The following ENTREP2 variants were observed in gnomAD, a reference collection of about 807,000 sequenced individuals.
ENTREP2 encodes protein ENTREP2.
At chr15:29,292,699 C>T in the ENTREP2 span, among the ~76,000 whole-genome samples, 1 of 152,070 alleles carries the variant, frequency 6.6e-6, no homozygotes, top group East Asian at 1.9e-4. Context: ...TCATATATTC[C>T]ATAAAACACA....
chr15:29,261,818 A>C, the ENTREP2 span, among the ~76,000 whole-genome samples: 1 of 152,112 alleles, frequency 6.6e-6, no homozygotes, highest in African/African-American at 2.4e-5. Context: ...TAACAAAAAT[A>C]CATCTGAGAA....
At chr15:29,156,138 C>T in the ENTREP2 span, among the ~76,000 whole-genome samples, 1 of 151,846 alleles carries the variant, frequency 6.6e-6, no homozygotes, top group African/African-American at 2.4e-5. Flanking sequence ...GGTCATACAA[C>T]CTGTTTTTTG....
At chr15:29,648,045 T>G in the ENTREP2 span, among the ~76,000 whole-genome samples, 13 of 152,166 alleles carry the variant, frequency 8.5e-5, no homozygotes. Context: ...ACCTTGTCAC[T>G]TTGAAATCTA....
At chr15:29,159,447 G>T in the ENTREP2 span, among the ~76,000 whole-genome samples, 6 of 152,160 alleles carry the variant, frequency 3.9e-5, no homozygotes, top group African/African-American at 1.4e-4. Flanking sequence ...GACAGGGCCG[G>T]GTTGCTACTG....
the ENTREP2 span, among the ~76,000 whole-genome samples, chr15:29,389,310 T>G: frequency 1.3e-5 from 2 of 152,156 alleles, no homozygotes; most frequent in East Asian, 3.9e-4. Context: ...GCAGCCTAAG[T>G]AGACTAAGAC....
At chr15:29,410,254 C>T in the ENTREP2 span, among the ~76,000 whole-genome samples, 1 of 152,158 alleles carries the variant, frequency 6.6e-6, no homozygotes, top group South Asian at 2.1e-4. Context: ...AGTTCATCTC[C>T]GCAAGACAGT....
chr15:29,481,190 G>A, the ENTREP2 span, among the ~76,000 whole-genome samples: 53 of 152,336 alleles, frequency 3.5e-4, no homozygotes, highest in African/African-American at 1.2e-3. Context: ...GGCAGAGGCT[G>A]AGAAATCTGA....
At chr15:29,421,554 G>C in the ENTREP2 span, among the ~76,000 whole-genome samples, 1 of 152,152 alleles carries the variant, frequency 6.6e-6, no homozygotes, top group Non-Finnish European at 1.5e-5. Flanking sequence ...TTTCCTATTT[G>C]CTATTTGACT....
chr15:29,414,298 T>C, the ENTREP2 span, among the ~76,000 whole-genome samples: 418 of 152,158 alleles, frequency 2.7e-3, 2 homozygotes, highest in African/African-American at 9.9e-3. Context: ...TAAGGAACCG[T>C]CTCTCAGACC....
chr15:29,607,841 C>CAGACAGAT, the ENTREP2 span, among the ~76,000 whole-genome samples: 801 of 151,544 alleles, frequency 5.3e-3, 4 homozygotes, highest in African/African-American at 0.013. Flanking sequence ...GACAGACAGA[C>CAGACAGAT]AGATAGATAG....
At chr15:29,448,286 A>G in the ENTREP2 span, among the ~76,000 whole-genome samples, 4 of 152,132 alleles carry the variant, frequency 2.6e-5, no homozygotes, top group Non-Finnish European at 4.4e-5. Flanking sequence ...TGCTTCACCT[A>G]TGATGGGATT....
the ENTREP2 span, among the ~76,000 whole-genome samples, chr15:29,131,728 T>C: frequency 9.4e-6 from 1 of 106,832 alleles, no homozygotes; most frequent in Non-Finnish European, 1.9e-5. Context: ...CCGGTCTCCA[T>C]GTGAGAGTGC....
the ENTREP2 span, among the ~76,000 whole-genome samples, chr15:29,308,764 G>A: frequency 6.6e-6 from 1 of 152,168 alleles, no homozygotes; most frequent in Non-Finnish European, 1.5e-5. Flanking sequence ...ACTGTTTTCA[G>A]TTAAAGACCC....
chr15:29,476,546 G>T, the ENTREP2 span, among the ~76,000 whole-genome samples: 2 of 152,186 alleles, frequency 1.3e-5, no homozygotes, highest in Admixed American at 6.5e-5. Flanking sequence ...AGCCACCAAG[G>T]TTTTACCACC....
chr15:29,416,766 T>A, the ENTREP2 span, among the ~76,000 whole-genome samples: 1 of 152,232 alleles, frequency 6.6e-6, no homozygotes, highest in Non-Finnish European at 1.5e-5. Flanking sequence ...AGGGCTCATA[T>A]CCAGAATCTA....
At chr15:29,450,409 G>A in the ENTREP2 span, among the ~76,000 whole-genome samples, 1 of 152,124 alleles carries the variant, frequency 6.6e-6, no homozygotes, top group Non-Finnish European at 1.5e-5. Flanking sequence ...TTTTGTATAT[G>A]GTGAAGGGAA....
the ENTREP2 span, among the ~76,000 whole-genome samples, chr15:29,591,126 A>C: frequency 8.4e-4 from 128 of 152,348 alleles, no homozygotes; most frequent in African/African-American, 3.0e-3. Flanking sequence ...AAAACACTGT[A>C]ATGTACCAAA....
chr15:29,138,936 G>A, the ENTREP2 span, among the ~76,000 whole-genome samples: 14 of 152,210 alleles, frequency 9.2e-5, no homozygotes, highest in Middle Eastern at 3.4e-3. Flanking sequence ...GCCAGGGAAG[G>A]ATGTGTTTAA....
chr15:29,328,387 T>C, the ENTREP2 span, among the ~76,000 whole-genome samples: 9 of 152,316 alleles, frequency 5.9e-5, no homozygotes, highest in South Asian at 1.5e-3. Flanking sequence ...CATTGAACTG[T>C]ACAGGCCAAA....
Sources: gnomAD v4.1 joint callset for allele counts (sites outside exome capture counted in the v4.1 genomes callset) on GRCh38, gnomAD v4.1.1 for gene constraint, MANE v1.5 for transcripts, NCBI Gene and HGNC (gene_info 2026-07-23, HGNC 2026-07-21) for gene names.